Variants in HEATR4 observed in about 807,000 individuals in gnomAD.
HEATR4 encodes the protein HEAT repeat-containing protein 4.
Under a neutral mutation model 108.8 loss-of-function variants are expected in HEATR4, and 95 were observed. The ratio of observed to expected loss-of-function variants is 0.87; its 90% CI spans 0.74 to 1.04. HEATR4 has a LOEUF of 1.04. Among genes scored for constraint, HEATR4 ranks in the 50% least tolerant of loss-of-function variants. The pLI is 0.00. For synonymous variants in HEATR4, 443 were observed against 459.4 expected (o/e 0.96, Z 0.46); for missense variants, 1,152 against 1,253.8 (o/e 0.92, Z 1.23).
chr14:73,501,019 T>G (rs1199330001), intron 11 of HEATR4, among the ~76,000 whole-genome samples: 2 of 152,252 alleles, frequency 1.3e-5, no homozygotes, highest in Non-Finnish European at 2.9e-5. Flanking sequence ...CAAGTTCTCT[T>G]CTCCATTGCC....
At chr14:73,592,161 C>G in the HEATR4 span, 41 of 1,601,016 alleles carry the variant, frequency 2.6e-5, no homozygotes, top group Admixed American at 7.0e-4. Flanking sequence ...CGCACCCGCG[C>G]TGGGCGGCAG....
At chr14:73,630,939 C>T in the HEATR4 span, among the ~76,000 whole-genome samples, 1 of 152,102 alleles carries the variant, frequency 6.6e-6, no homozygotes, top group African/African-American at 2.4e-5. Flanking sequence ...GGCGAAAGGA[C>T]CAAAGACAGG....
At chr14:73,595,203 T>G in the HEATR4 span, 1 of 1,614,226 alleles carries the variant, frequency 6.2e-7, no homozygotes, top group Non-Finnish European at 8.5e-7. Flanking sequence ...CACAGTAGCA[T>G]TCCACCATTG....
the HEATR4 span, chr14:73,595,002 A>T: frequency 1.3e-6 from 2 of 1,599,078 alleles, no homozygotes; most frequent in Non-Finnish European, 1.7e-6. Flanking sequence ...ACCGCACCCA[A>T]TCTGGATAAG....
intron 5 of HEATR4, among the ~76,000 whole-genome samples, chr14:73,516,635 C>T (rs979426391): frequency 9.9e-5 from 15 of 152,162 alleles, no homozygotes; most frequent in Non-Finnish European, 1.5e-4. Context: ...AAGCTGGGGT[C>T]CCTAACCCCC....
At chr14:73,570,043 C>G in the HEATR4 span, among the ~76,000 whole-genome samples, 1 of 151,772 alleles carries the variant, frequency 6.6e-6, no homozygotes, top group Non-Finnish European at 1.5e-5. Flanking sequence ...ATCTTCCCGC[C>G]TCTGCCTCCC....
intron 7 of HEATR4, among the ~76,000 whole-genome samples, chr14:73,510,787 A>G (rs992905293): frequency 6.6e-6 from 1 of 152,168 alleles, no homozygotes; most frequent in African/African-American, 2.4e-5. Flanking sequence ...TCTTGGGGAC[A>G]GCACAGGAGC....
chr14:73,589,351 G>A, the HEATR4 span, among the ~76,000 whole-genome samples: 17 of 149,640 alleles, frequency 1.1e-4, no homozygotes, highest in South Asian at 1.1e-3. Context: ...TGAAAGTTTC[G>A]CTCTGTCACC....
At chr14:73,593,990 T>G in the HEATR4 span, 1 of 1,240,420 alleles carries the variant, frequency 8.1e-7, no homozygotes, top group Non-Finnish European at 1.1e-6. Flanking sequence ...GAAATGCTGC[T>G]CTGTTCCTCT....
At chr14:73,630,875 C>T in the HEATR4 span, among the ~76,000 whole-genome samples, 1 of 152,088 alleles carries the variant, frequency 6.6e-6, no homozygotes, top group Non-Finnish European at 1.5e-5. Context: ...AAAAACTTTC[C>T]CTTCTGAGGC....
At chr14:73,599,813 G>C in the HEATR4 span, among the ~76,000 whole-genome samples, 2 of 152,184 alleles carry the variant, frequency 1.3e-5, no homozygotes, top group African/African-American at 4.8e-5. Flanking sequence ...TGTGGAATGG[G>C]AAATAATTGT....
the HEATR4 span, among the ~76,000 whole-genome samples, chr14:73,568,473 G>T: frequency 6.6e-6 from 1 of 151,878 alleles, no homozygotes; most frequent in Non-Finnish European, 1.5e-5. Context: ...TCAGGAAGAT[G>T]GCTTGAGCAC....
the HEATR4 span, among the ~76,000 whole-genome samples, chr14:73,615,127 C>T: frequency 6.6e-6 from 1 of 150,710 alleles, no homozygotes; most frequent in Non-Finnish European, 1.5e-5. Flanking sequence ...GTGGCTCACG[C>T]CTCTAATCCC....
chr14:73,506,555 A>G lies in HEATR4; in HGVS notation c.1898T>C (p.Met633Thr). The G allele has an allele frequency of 6.2e-7, 1 of 1,613,094 alleles. No individual in the cohort carries two copies. The highest frequency in any genetic ancestry group is 8.5e-7 in the Non-Finnish European group (1 of 1,179,506). The change falls in exon 10 of 18, where the codon ATG (methionine) becomes ACG (threonine). Residue 633 changes from methionine (M) to threonine (T), a missense_variant. By Grantham distance (81) the Met-to-Thr change is moderately conservative. Transcript: ENST00000553558. ...ACAGCTGTTCAGCTCCACAGCAAGCATGGTGTGTATCAGGGTCTGAGGAAA... is the reference window on the plus strand; with the variant it reads ...ACAGCTGTTCAGCTCCACAGCAAGCGTGGTGTGTATCAGGGTCTGAGGAAA... ...LSEKTTLIHT[M>T]LAVELNSCQW...
chr14:73,572,037 A>T, the HEATR4 span, among the ~76,000 whole-genome samples: 1 of 151,134 alleles, frequency 6.6e-6, no homozygotes, highest in Non-Finnish European at 1.5e-5. Flanking sequence ...GCTGACCAGT[A>T]TGTGGAGGAA....
At chr14:73,597,459 AC>A in the HEATR4 span, among the ~76,000 whole-genome samples, 1,206 of 150,854 alleles carry the variant, frequency 8.0e-3, 17 homozygotes, top group African/African-American at 0.028. Flanking sequence ...ATCTCAGCTC[AC>A]TGCAACCTCT....
At chr14:73,495,429 C>T in intron 15 of HEATR4, 42 bp from the exon 16 acceptor site, 1 of 1,524,580 alleles carries the variant, frequency 6.6e-7, no homozygotes, top group African/African-American at 1.4e-5. Context: ...AAACAAAACA[C>T]CTGTACTAGG....
At position 73,529,953 on chromosome 14, in the gene HEATR4, T is replaced by C. The variant is rs373296408; in HGVS notation, c.-73+213A>G. 7.5e-5 allele frequency among the ~76,000 whole-genome samples: 11 copies of C among 146,052 alleles called. No individual in the cohort carries two copies. In the East Asian group the frequency reaches 1.3e-3, roughly 17 times the overall value. On this transcript the variant is annotated intron_variant, in intron 2 of 17. Transcript: ENST00000553558. The stretch of plus-strand genomic sequence containing the variant: ...AGCTTCTGGGGTGGTGTTTGTTAGA[T>C]ACAGTTTTTTGTTTATTTATTTATG...
At chr14:73,565,795 G>A in the HEATR4 span, among the ~76,000 whole-genome samples, 294 of 152,140 alleles carry the variant, frequency 1.9e-3, 1 homozygote, top group African/African-American at 7.0e-3. Flanking sequence ...AGGCAGTGTG[G>A]ACGCAAAGAG....
Sources: gnomAD v4.1 joint callset for allele counts (sites outside exome capture counted in the v4.1 genomes callset) on GRCh38, gnomAD v4.1.1 for gene constraint, MANE v1.5 for transcripts, NCBI Gene and HGNC (gene_info 2026-07-23, HGNC 2026-07-21) for gene names.